The following PAX9 variants were observed in gnomAD, a reference collection of about 807,000 sequenced individuals.
PAX9 encodes paired box 9, also known as paired box protein Pax-9.
A neutral mutation model predicts 29.1 loss-of-function variants in PAX9; 6 were observed. The ratio of observed to expected loss-of-function variants is 0.21; its 90% CI spans 0.11 to 0.41. The LOEUF (loss-of-function observed/expected upper bound fraction) is 0.41, where lower values mean the gene tolerates loss of function less well. Ranked by LOEUF, PAX9 falls within the 10% of genes least tolerant of loss-of-function variation. The pLI is 1.00. For missense variants in PAX9, 443 were observed against 479.1 expected, an observed-to-expected ratio of 0.92 and a Z score of 0.70; for synonymous variants, 217 against 211.7, an observed-to-expected ratio of 1.03 and a Z score of -0.22.
Position 36,663,138 on chromosome 14 carries a change from C to G in PAX9, c.246C>G (p.Thr82=). 1.2e-6 allele frequency: 2 copies of G among 1,614,026 alleles called. No homozygotes were observed. The highest frequency in any genetic ancestry group is 4.5e-5 in the East Asian group (2 of 44,852). Residue 82 remains threonine, a synonymous_variant, in exon 2 of 4, where the codon ACC becomes ACG. Transcript: ENST00000361487. ...GCAAGCCCCGGGTCACTACCCCCACCGTGGTGAAACACATCCGGACCTACA... is the reference window on the plus strand; with the variant it reads ...GCAAGCCCCGGGTCACTACCCCCACGGTGGTGAAACACATCCGGACCTACA... ...GGSKPRVTTP[T]VVKHIRTYKQ... is the part of the protein sequence containing the mutation.
intron 3 of PAX9, among the ~76,000 whole-genome samples, chr14:36,675,728 A>G (rs1372202350): frequency 6.6e-6 from 1 of 152,186 alleles, no homozygotes; most frequent in Non-Finnish European, 1.5e-5. Flanking sequence ...CTAACATGAC[A>G]GGCTGCAGTC....
At chr14:36,663,597 C>A in intron 2 of PAX9, 74 bp downstream of exon 2, 1 of 1,571,488 alleles carries the variant, frequency 6.4e-7, no homozygotes, top group Non-Finnish European at 8.7e-7. Context: ...CCAGTATCTG[C>A]AGCCTCAGGG....
upstream of PAX9, among the ~76,000 whole-genome samples, chr14:36,659,411 G>A (rs1881170364): frequency 1.3e-5 from 2 of 152,192 alleles, no homozygotes; most frequent in Admixed American, 1.3e-4. Context: ...GCCCCGGGAA[G>A]GCTTCAGCAT....
At chr14:36,673,910 A>G (rs2139120646) in intron 3 of PAX9, among the ~76,000 whole-genome samples, 1 of 152,348 alleles carries the variant, frequency 6.6e-6, no homozygotes, top group South Asian at 2.1e-4. Flanking sequence ...CTTAGTTCAC[A>G]TTGGCATCAG....
At chr14:36,657,880 C>T (rs566271839), upstream of PAX9, 1 of 152,414 alleles carries the variant, frequency 6.6e-6, no homozygotes, top group East Asian at 1.9e-4. Flanking sequence ...CGTCCGCAGT[C>T]CCTCCAAGTC....
intron 2 of PAX9, 150 bp from the exon 3 acceptor site, chr14:36,666,312 G>A (rs1881484937): frequency 1.0e-6 from 1 of 963,484 alleles, no homozygotes; most frequent in African/African-American, 1.6e-5. Flanking sequence ...AGGAGGTCGC[G>A]GCTGGGCCCA....
Position 36,676,554 on chromosome 14 carries a change from C to CT in PAX9, c.*104dup, listed in dbSNP as rs1881901531. 6 of 1,372,810 alleles carry CT rather than the reference C, an allele frequency of 4.4e-6. No homozygotes were observed. The highest frequency in any genetic ancestry group is 6.1e-6 in the Non-Finnish European group (6 of 990,826). The allele number at this position is 1,372,810 out of a possible 1,614,324, so 85.0% of individuals were successfully genotyped here. Reference sequence around the variant, plus strand: ...ATCCCACCCCTCCTGCCCTCCAACCCTTCTGCCTTGAAAGCTGGCTGTACG... The same window carrying CT: ...ATCCCACCCCTCCTGCCCTCCAACCCTTTCTGCCTTGAAAGCTGGCTGTACG... On this transcript the variant is annotated 3_prime_UTR_variant, in exon 4 of 4. Transcript: ENST00000361487.
Position 36,679,318 on chromosome 14 carries a change from AT to A in PAX9, c.*2871del, listed in dbSNP as rs1292230732. The A allele has an allele frequency of 1.0e-6, 1 of 971,422 alleles. No individual in the cohort carries two copies. The highest frequency in any genetic ancestry group is 1.8e-5 in the African/African-American group (1 of 56,890). 60.2% of individuals were successfully genotyped at this position (971,422 alleles called of 1,614,324 possible). A position where few individuals can be genotyped will look rare whatever the true frequency, so the allele number is the denominator to read the frequency against. On this transcript the variant is annotated 3_prime_UTR_variant, in exon 4 of 4. Coordinates refer to ENST00000361487, the MANE Select transcript of PAX9 (RefSeq NM_001372076.1). ...ATATACAGTATGTCAAAAGCCTTTTATTTTTATACTTCAAATGCTCTAAATT... is the reference window on the plus strand; with the variant it reads ...ATATACAGTATGTCAAAAGCCTTTTATTTTATACTTCAAATGCTCTAAATT...
At chr14:36,674,507 C>T (rs917802480) in intron 3 of PAX9, among the ~76,000 whole-genome samples, 9 of 152,138 alleles carry the variant, frequency 5.9e-5, no homozygotes, top group Admixed American at 1.3e-4. Context: ...CAGTTATGTG[C>T]GGTAGTTTCT....
At position 36,677,850 on chromosome 14, in the gene PAX9, G is replaced by C. The variant is rs1209416625; in HGVS notation, c.*1398G>C. The C allele has an allele frequency of 6.6e-6, 1 of 152,172 alleles. No homozygotes were observed. The highest frequency in any genetic ancestry group is 2.4e-5 in the African/African-American group (1 of 41,430). 9.4% of individuals were successfully genotyped at this position (152,172 alleles called of 1,614,324 possible). ...ATTTTTCACTTTAATGTTAATAACA[G>C]TTGTGGAGTATATGTGTGTGTGAGC... On this transcript the variant is annotated 3_prime_UTR_variant, in exon 4 of 4. Coordinates refer to ENST00000361487, the MANE Select transcript of PAX9 (RefSeq NM_001372076.1).
chr14:36,674,446 C>T (rs964848273), intron 3 of PAX9, among the ~76,000 whole-genome samples: 1 of 152,184 alleles, frequency 6.6e-6, no homozygotes, highest in African/African-American at 2.4e-5. Context: ...GGCTAAACCT[C>T]TTAATCTATA....
intron 3 of PAX9, among the ~76,000 whole-genome samples, chr14:36,667,668 C>T (rs1025495968): frequency 1.5e-4 from 23 of 152,104 alleles, no homozygotes; most frequent in African/African-American, 5.6e-4. Flanking sequence ...GTAACAAATC[C>T]CATTTCCACT....
chr14:36,670,400 C>CT (rs1341546528), intron 3 of PAX9, among the ~76,000 whole-genome samples: 1 of 151,968 alleles, frequency 6.6e-6, no homozygotes, highest in African/African-American at 2.4e-5. Context: ...ATCTGAAATT[C>CT]TTATGAAGCA....
Position 36,663,399 on chromosome 14 carries a change from G to A in PAX9, c.507G>A (p.Ala169=), listed in dbSNP as rs762246128. ...CGTACCCCAGCCCTATCACGGCGGC[G>A]GCCGCCAAGGTGCCCACGCCACCCG... The part of the protein sequence containing the change: ...IYSYPSPITA[A]AAKVPTPPGV... Residue 169 remains alanine (A), a synonymous_variant, in exon 2 of 4, where the codon GCG becomes GCA. Transcript: ENST00000361487. 12 of 1,613,176 alleles carry A rather than the reference G, an allele frequency of 7.4e-6. No homozygotes were observed. The South Asian group carries it at 8.8e-5, about 12-fold the overall frequency.
At position 36,663,671 on chromosome 14, in the gene PAX9, T is replaced by G. The variant is rs1252946859; in HGVS notation, c.631+148T>G. 1.4e-5 allele frequency: 14 copies of G among 984,864 alleles called. No homozygotes were observed. In the African/African-American group the frequency reaches 2.3e-4, roughly 16 times the overall value. 61.0% of individuals were successfully genotyped at this position (984,864 alleles called of 1,614,324 possible). ...AAACGTAAGGAGTCTTCCTAGGGGG[T>G]GTTCTGATCTCATTAACTTGAAACT... On this transcript the variant is annotated intron_variant, in intron 2 of 3. Transcript: ENST00000361487.
rs1881282670 is a variant in PAX9 at position 36,661,908 on chromosome 14, T to C, written c.-182T>C. On this transcript the variant is annotated 5_prime_UTR_variant, in exon 1 of 4. Transcript: ENST00000361487. ...GATTGAAATGCAGAACTCAAGCCTC[T>C]TTCATCGGGGCACAGACTTCCTTTT... 1 of 737,576 alleles carries C rather than the reference T, an allele frequency of 1.4e-6. No homozygotes were observed. The highest frequency in any genetic ancestry group is 1.7e-5 in the African/African-American group (1 of 57,478). The allele number at this position is 737,576 out of a possible 1,614,324, so 45.7% of individuals were successfully genotyped here. A position where few individuals can be genotyped will look rare whatever the true frequency, so the allele number is the denominator to read the frequency against.
At position 36,678,533 on chromosome 14, in the gene PAX9, A is replaced by G. The variant is rs1463241643; in HGVS notation, c.*2081A>G. 8 of 1,536,712 alleles carry G rather than the reference A, an allele frequency of 5.2e-6. No individual in the cohort carries two copies. Among genetic ancestry groups the G allele is most frequent in the East Asian group, 2.4e-5 (1 of 40,898 alleles). ...CTGAATGGAACAAAGATCCAATCCA[A>G]TATTTTGGTGGAGACTTCTTTAAAA... On this transcript the variant is annotated 3_prime_UTR_variant, in exon 4 of 4. Transcript: ENST00000361487.
intron 3 of PAX9, among the ~76,000 whole-genome samples, chr14:36,672,441 G>A (rs763138628): frequency 3.3e-5 from 5 of 152,184 alleles, no homozygotes; most frequent in East Asian, 1.9e-4. Context: ...TTTCCTTTGC[G>A]GTGGAAAATT....
upstream of PAX9, among the ~76,000 whole-genome samples, chr14:36,660,051 G>C (rs145030343): frequency 1.4e-3 from 214 of 149,306 alleles, no homozygotes; most frequent in African/African-American, 5.0e-3. Flanking sequence ...CTGTCTGTGA[G>C]GGGGGAGGAG....
Sources: gnomAD v4.1 joint callset for allele counts (sites outside exome capture counted in the v4.1 genomes callset) on GRCh38, gnomAD v4.1.1 for gene constraint, MANE v1.5 for transcripts, NCBI Gene and HGNC (gene_info 2026-07-23, HGNC 2026-07-21) for gene names.